The following SMAD2 variants were observed in gnomAD, a reference collection of about 807,000 sequenced individuals.
SMAD2 encodes the protein MAD homolog 2.
SMAD2 carries 8 observed loss-of-function variants against 64.4 expected under a neutral mutation model. That is an observed-to-expected ratio of 0.12 (90% CI 0.07 to 0.22). The LOEUF is 0.22. SMAD2 is among the 10% of genes least tolerant of loss of function. The pLI is 1.00. For synonymous variants in SMAD2, 203 were observed against 195.8 expected (o/e 1.04, Z -0.31); for missense variants, 289 against 561.2 (o/e 0.51, Z 4.90).
At chr18:47,865,370 T>C (rs1277737477) in intron 5 of SMAD2, among the ~76,000 whole-genome samples, 1 of 152,210 alleles carries the variant, frequency 6.6e-6, no homozygotes, top group Non-Finnish European at 1.5e-5. Context: ...ACACATTATG[T>C]ACGTATCTTG....
rs1440055229 is a variant in SMAD2, at chr18:47,914,018, A to G, written c.-54+16343T>C. On this transcript the variant is annotated intron_variant, in intron 1 of 10. Coordinates refer to ENST00000262160, the MANE Select transcript of SMAD2 (RefSeq NM_005901.6). ...ACTCACCGGAAAGTTTCAATAAGGT[A>G]AGAGGTCTAATTATCCTGAACTTGT... Among the ~76,000 whole-genome samples the G allele has an allele frequency of 2.0e-5, 3 of 152,248 alleles. No homozygotes were observed. In the East Asian group the frequency reaches 5.8e-4, roughly 29 times the overall value.
At chr18:47,848,720 G>T in intron 7 of SMAD2, 33 bp from the exon 8 acceptor site, 2 of 1,443,708 alleles carry the variant, frequency 1.4e-6, no homozygotes, top group East Asian at 4.9e-5. Context: ...AATAATAAAA[G>T]GAAGAAATGC....
intron 2 of SMAD2, among the ~76,000 whole-genome samples, chr18:47,872,856 G>C (rs746227712): frequency 5.3e-5 from 8 of 152,092 alleles, no homozygotes; most frequent in Non-Finnish European, 7.4e-5. Flanking sequence ...AAACGGTTGG[G>C]AACAGCCGAT....
At chr18:47,908,133 T>C (rs188853783) in intron 1 of SMAD2, among the ~76,000 whole-genome samples, 1 of 151,974 alleles carries the variant, frequency 6.6e-6, no homozygotes, top group East Asian at 1.9e-4. Context: ...AGGGAGGAGG[T>C]TGCAAGTGAC....
intron 1 of SMAD2, among the ~76,000 whole-genome samples, chr18:47,908,787 TG>T (rs780146541): frequency 6.6e-6 from 1 of 152,254 alleles, no homozygotes; most frequent in African/African-American, 2.4e-5. Flanking sequence ...CATCTCTGCA[TG>T]AGCAGTTCTT....
rs1420954835 is a variant in SMAD2 at position 47,832,540 on chromosome 18, AAAC to A, written c.*9284_*9286del. Reference sequence around the variant, plus strand: ...AAGCATGTTTAAAATGGTTTGCAGAAAACAGTCTGCTAACCAGTACTGATTCAT... The same window carrying A: ...AAGCATGTTTAAAATGGTTTGCAGAAAGTCTGCTAACCAGTACTGATTCAT... On this transcript the variant is annotated 3_prime_UTR_variant, in exon 11 of 11. Transcript: ENST00000262160. The A allele has an allele frequency of 6.6e-6, 1 of 152,206 alleles. No homozygotes were observed. Among genetic ancestry groups the A allele is most frequent in the Non-Finnish European group, 1.5e-5 (1 of 68,030 alleles). 9.4% of individuals were successfully genotyped at this position (152,206 alleles called of 1,614,324 possible).
chr18:47,882,850 CT>C (rs1449506031), intron 2 of SMAD2, among the ~76,000 whole-genome samples: 1 of 152,104 alleles, frequency 6.6e-6, no homozygotes, highest in African/African-American at 2.4e-5. Context: ...TGGGGGTAAC[CT>C]AAATTTCATC....
chr18:47,892,876 A>C (rs1370599397), intron 2 of SMAD2, among the ~76,000 whole-genome samples: 1 of 152,200 alleles, frequency 6.6e-6, no homozygotes, highest in East Asian at 1.9e-4. Flanking sequence ...TAAATTTTGC[A>C]TTCCTATACA....
intron 2 of SMAD2, among the ~76,000 whole-genome samples, chr18:47,877,397 A>C (rs183160187): frequency 3.3e-5 from 5 of 152,206 alleles, no homozygotes; most frequent in Admixed American, 3.3e-4. Flanking sequence ...TAATCCTTTC[A>C]TTTTTATATG....
chr18:47,885,344 G>T (rs1464281829), intron 2 of SMAD2, among the ~76,000 whole-genome samples: 1 of 151,932 alleles, frequency 6.6e-6, no homozygotes, highest in African/African-American at 2.4e-5. Flanking sequence ...ATTTTTATAT[G>T]TTTAATAGAC....
At chr18:47,905,025 T>C (rs77213246) in intron 1 of SMAD2, among the ~76,000 whole-genome samples, 2,918 of 152,244 alleles carry the variant, frequency 0.019, 87 homozygotes, top group African/African-American at 0.066. Flanking sequence ...AGGACAACTA[T>C]GCAACAAAGA....
chr18:47,848,833 C>G (rs909720977), intron 7 of SMAD2, 146 bp from the exon 8 acceptor site: 1 of 646,352 alleles, frequency 1.5e-6, no homozygotes, highest in Non-Finnish European at 2.7e-6. Flanking sequence ...GTATCTGTAT[C>G]GGTTTCCACA....
chr18:47,847,538 T>C (rs1218969778), intron 8 of SMAD2, among the ~76,000 whole-genome samples: 1 of 151,488 alleles, frequency 6.6e-6, no homozygotes, highest in African/African-American at 2.4e-5. Flanking sequence ...ATGACCATAT[T>C]AGATATAAAA....
At position 47,833,597 on chromosome 18, in the gene SMAD2, C is replaced by A. The variant is rs749771211; in HGVS notation, c.*8230G>T. The stretch of plus-strand genomic sequence containing the variant: ...ATGCCATCAGAGAAAAAAAATCTCA[C>A]CTCACGTGCTCAATGTTCTAGCTGG... On this transcript the variant is annotated 3_prime_UTR_variant, in exon 11 of 11. Transcript: ENST00000262160. 2.6e-5 allele frequency: 6 copies of A among 230,888 alleles called. No individual in the cohort carries two copies. Among genetic ancestry groups the A allele is most frequent in the Non-Finnish European group, 5.1e-5 (6 of 116,538 alleles). 14.3% of individuals were successfully genotyped at this position (230,888 alleles called of 1,614,324 possible).
At position 47,828,115 on chromosome 18, in the gene SMAD2, GTC is replaced by G. The variant is rs1329512106; in HGVS notation, c.*13710_*13711del. ...CCACCCCGTCTGGGAGGTGAGGAGC[GTC>G]TCTGCCCGGCCGCCCCGTCTGAGAA... is the stretch of plus-strand genomic sequence containing the variant. On this transcript the variant is annotated 3_prime_UTR_variant, in exon 11 of 11. Coordinates refer to ENST00000262160, the MANE Select transcript of SMAD2 (RefSeq NM_005901.6). 3 of 158,212 alleles carry G rather than the reference GTC, an allele frequency of 1.9e-5. No individual in the cohort carries two copies. The highest frequency in any genetic ancestry group is 7.7e-5 in the African/African-American group (3 of 39,056). The allele number at this position is 158,212 out of a possible 1,614,324, so 9.8% of individuals were successfully genotyped here. A position where few individuals can be genotyped will look rare whatever the true frequency, so the allele number is the denominator to read the frequency against.
intron 1 of SMAD2, among the ~76,000 whole-genome samples, chr18:47,925,055 C>T (rs1050553059): frequency 6.6e-6 from 1 of 152,138 alleles, no homozygotes; most frequent in African/African-American, 2.4e-5. Context: ...GAAACTACAT[C>T]CCCCTTCCCC....
chr18:47,868,269 A>G (rs2031708033), intron 5 of SMAD2, 54 bp downstream of exon 5: 1 of 1,490,286 alleles, frequency 6.7e-7, no homozygotes, highest in South Asian at 1.1e-5. Context: ...TTGAATGCTT[A>G]TGAACAAAAT....
Position 47,897,072 on chromosome 18 carries a change from G to A in SMAD2, c.-53-263C>T, listed in dbSNP as rs188978140. ...GCAAGTAAAATCAGATACTTTTAACGATTTTTCACCACCAATACTATTTTA... is the reference window on the plus strand; with the variant it reads ...GCAAGTAAAATCAGATACTTTTAACAATTTTTCACCACCAATACTATTTTA... On this transcript the variant is annotated intron_variant, in intron 1 of 10. Coordinates refer to ENST00000262160, the MANE Select transcript of SMAD2 (RefSeq NM_005901.6). 2.5e-3 allele frequency among the ~76,000 whole-genome samples: 375 copies of A among 152,202 alleles called. 1 individual carries two copies. Among genetic ancestry groups the A allele is most frequent in the African/African-American group, 8.5e-3 (352 of 41,544 alleles).
rs546229336 is a variant in SMAD2 at position 47,810,254 on chromosome 18, C to G, written c.*31573G>C. 2 of 152,486 alleles carry G rather than the reference C, an allele frequency of 1.3e-5. No homozygotes were observed. The highest frequency in any genetic ancestry group is 3.9e-4 in the East Asian group (2 of 5,174). 9.4% of individuals were successfully genotyped at this position (152,486 alleles called of 1,614,324 possible). ...GAGAAGAAAGTAAGAGGTCGCCAAC[C>G]AAGTCATTTCCCTGTCCCCAAACCT... On this transcript the variant is annotated 3_prime_UTR_variant, in exon 11 of 11. Transcript: ENST00000262160.
Sources: allele counts gnomAD v4.1 joint callset (sites outside exome capture counted in the v4.1 genomes callset), GRCh38; gene constraint gnomAD v4.1.1; transcripts MANE v1.5; gene names NCBI Gene and HGNC (gene_info 2026-07-23, HGNC 2026-07-21).